The following FAT3 variants were observed in gnomAD, a reference collection of about 807,000 sequenced individuals.
FAT3 encodes the protein protocadherin Fat 3.
A neutral mutation model predicts 310.2 loss-of-function variants in FAT3; 95 were observed. That is an observed-to-expected ratio of 0.31 (90% confidence interval 0.26 to 0.36). The LOEUF is 0.36. Among genes scored for constraint, FAT3 ranks in the 10% least tolerant of loss-of-function variants. The pLI is 1.00. For missense variants in FAT3, 5,408 were observed against 5,715.6 expected (o/e 0.95, Z 1.74); for synonymous variants, 2,314 against 2,192.9 (o/e 1.06, Z -1.54).
intron 17 of FAT3, among the ~76,000 whole-genome samples, chr11:92,838,907 T>C (rs1948470671): frequency 6.6e-6 from 1 of 152,212 alleles, no homozygotes; most frequent in Admixed American, 6.6e-5. Context: ...TCCCTGGTGG[T>C]GTTTTGGTTT....
chr11:92,658,455 G>C (rs935257455), intron 3 of FAT3, among the ~76,000 whole-genome samples: 1 of 152,136 alleles, frequency 6.6e-6, no homozygotes, highest in Non-Finnish European at 1.5e-5. Flanking sequence ...ATGGTGAGTG[G>C]GGTGAGGCAG....
chr11:92,541,567 G>A (rs1954448772), intron 3 of FAT3, among the ~76,000 whole-genome samples: 1 of 152,072 alleles, frequency 6.6e-6, no homozygotes, highest in Non-Finnish European at 1.5e-5. Flanking sequence ...ATTCATAAAA[G>A]AAAATTAAGA....
At chr11:92,677,483 C>T in intron 3 of FAT3, among the ~76,000 whole-genome samples, 1 of 152,336 alleles carries the variant, frequency 6.6e-6, no homozygotes, top group East Asian at 1.9e-4. Flanking sequence ...GCAGCAGTTA[C>T]ATCCATCTCC....
chr11:92,687,501 A>G (rs893429494), intron 3 of FAT3, among the ~76,000 whole-genome samples: 3 of 152,224 alleles, frequency 2.0e-5, no homozygotes, highest in East Asian at 1.9e-4. Flanking sequence ...TGATTGTACA[A>G]TTCAGCATTA....
Position 92,511,710 on chromosome 11 carries a change from G to T in FAT3, c.3293-12924G>T, listed in dbSNP as rs537499364. Among the ~76,000 whole-genome samples the T allele has an allele frequency of 1.5e-4, 23 of 152,244 alleles. No individual in the cohort carries two copies. The South Asian group carries it at 4.4e-3, about 29-fold the overall frequency. ...TCCTTGAGGGTTGAGGAGCAAAGGAGGCCATTTGTGGAGATGGATTGAAGG... is the reference window on the plus strand; with the variant it reads ...TCCTTGAGGGTTGAGGAGCAAAGGATGCCATTTGTGGAGATGGATTGAAGG... On this transcript the variant is annotated intron_variant, in intron 2 of 27. Transcript: ENST00000525166.
chr11:92,547,818 G>A (rs1954663029), intron 3 of FAT3, among the ~76,000 whole-genome samples: 1 of 152,116 alleles, frequency 6.6e-6, no homozygotes, highest in African/African-American at 2.4e-5. Context: ...AGAGTAGGTG[G>A]GCATTTGAGC....
At chr11:92,384,946 G>A (rs1194915829) in intron 2 of FAT3, among the ~76,000 whole-genome samples, 1 of 152,192 alleles carries the variant, frequency 6.6e-6, no homozygotes, top group African/African-American at 2.4e-5. Context: ...TTCTGTAAAT[G>A]TGGGTCAGTC....
chr11:92,778,327 A>G (rs1022194949), intron 7 of FAT3, among the ~76,000 whole-genome samples: 3 of 152,140 alleles, frequency 2.0e-5, no homozygotes, highest in African/African-American at 7.2e-5. Flanking sequence ...CATTCTCTAC[A>G]CTACTAATGT....
intron 2 of FAT3, among the ~76,000 whole-genome samples, chr11:92,483,892 A>G (rs1277015366): frequency 6.6e-6 from 1 of 152,240 alleles, no homozygotes; most frequent in Non-Finnish European, 1.5e-5. Context: ...TTGCTCAGTC[A>G]CTGGTAGAAC....
At chr11:92,311,663 A>T (rs1030161986) in intron 1 of FAT3, among the ~76,000 whole-genome samples, 1 of 152,230 alleles carries the variant, frequency 6.6e-6, no homozygotes, top group Non-Finnish European at 1.5e-5. Context: ...GGGTGAAAGG[A>T]GGACACTATC....
chr11:92,790,679 T>C (rs1434284446), intron 8 of FAT3, among the ~76,000 whole-genome samples: 1 of 152,222 alleles, frequency 6.6e-6, no homozygotes, highest in Non-Finnish European at 1.5e-5. Context: ...CTGGACCTAG[T>C]AGTAAATACT....
chr11:92,650,592 G>A (rs976612086), intron 3 of FAT3, among the ~76,000 whole-genome samples: 2 of 152,130 alleles, frequency 1.3e-5, no homozygotes, highest in African/African-American at 4.8e-5. Flanking sequence ...AATGCTTGCT[G>A]ATTTTTGTGG....
intron 4 of FAT3, among the ~76,000 whole-genome samples, chr11:92,746,394 G>A (rs989412965): frequency 1.3e-5 from 2 of 152,152 alleles, no homozygotes; most frequent in Non-Finnish European, 2.9e-5. Context: ...TCACTACTGG[G>A]AGAACAATAT....
intron 3 of FAT3, among the ~76,000 whole-genome samples, chr11:92,595,888 A>G (rs963413157): frequency 5.3e-5 from 8 of 152,154 alleles, no homozygotes; most frequent in Non-Finnish European, 8.8e-5. Flanking sequence ...TCGTGCTGTC[A>G]TGCTTGGGAT....
chr11:92,524,077 AAGT>A (rs1364322934), intron 2 of FAT3, among the ~76,000 whole-genome samples: 25 of 152,120 alleles, frequency 1.6e-4, no homozygotes. Flanking sequence ...TTCGGGGAAA[AAGT>A]AAGAAGGAGG....
chr11:92,266,099 A>G (rs1231252754), intron 1 of FAT3, among the ~76,000 whole-genome samples: 1 of 152,070 alleles, frequency 6.6e-6, no homozygotes, highest in Admixed American at 6.6e-5. Context: ...AATTTGTAAT[A>G]TTTTCCTCCA....
In FAT3 at chr11:92,353,419, A is replaced by C. The variant is rs748440423; in HGVS notation, c.1307A>C (p.Asn436Thr). 1 of 1,613,604 alleles carries C rather than the reference A, an allele frequency of 6.2e-7. No individual in the cohort carries two copies. Among genetic ancestry groups the C allele is most frequent in the Admixed American group, 1.7e-5 (1 of 59,876 alleles). ...SGLIVTARPL[N>T]TVKKEVYKLE... Reference sequence around the variant, plus strand: ...CTGATTGTTACAGCACGGCCACTGAATACTGTTAAGAAGGAGGTTTATAAA... The same window carrying C: ...CTGATTGTTACAGCACGGCCACTGACTACTGTTAAGAAGGAGGTTTATAAA... Residue 436 changes from asparagine (N) to threonine (T), a missense_variant, in exon 2 of 28, where the codon AAT (asparagine) becomes ACT (threonine). Transcript: ENST00000525166.
intron 3 of FAT3, among the ~76,000 whole-genome samples, chr11:92,565,202 G>A (rs925282304): frequency 6.7e-6 from 1 of 149,458 alleles, no homozygotes; most frequent in African/African-American, 2.5e-5. Flanking sequence ...TGATAAAGGG[G>A]ATATCACCAC....
At chr11:92,741,596 A>C (rs371655355) in intron 4 of FAT3, among the ~76,000 whole-genome samples, 1 of 152,224 alleles carries the variant, frequency 6.6e-6, no homozygotes, top group East Asian at 1.9e-4. Context: ...TAATGACAGT[A>C]GTCACCTTGA....
Sources: gnomAD v4.1 joint callset for allele counts (sites outside exome capture counted in the v4.1 genomes callset) on GRCh38, gnomAD v4.1.1 for gene constraint, MANE v1.5 for transcripts, NCBI Gene and HGNC (gene_info 2026-07-23, HGNC 2026-07-21) for gene names.